Variants in DPYSL2 observed in about 807,000 individuals in gnomAD.
DPYSL2 encodes the protein dihydropyrimidinase-related protein 2.
In DPYSL2, 13 loss-of-function variants were observed where a neutral mutation model predicts 69.9. The ratio of observed to expected loss-of-function variants is 0.19; its 90% CI spans 0.12 to 0.30. The LOEUF is 0.30. Among genes scored for constraint, DPYSL2 ranks in the 10% least tolerant of loss-of-function variants. The pLI, the probability that DPYSL2 is intolerant of heterozygous loss-of-function variation, is 1.00. For synonymous variants in DPYSL2, 326 were observed against 359.1 expected (o/e 0.91, Z 1.04); for missense variants, 587 against 918.9 (o/e 0.64, Z 4.67).
Position 26,614,820 on chromosome 8 carries a change from C to T in DPYSL2, c.629-9323C>T, listed in dbSNP as rs1802310156. Among the ~76,000 whole-genome samples, 1 of 152,222 alleles carries T rather than the reference C, an allele frequency of 6.6e-6. No individual in the cohort carries two copies. Among genetic ancestry groups the T allele is most frequent in the Non-Finnish European group, 1.5e-5 (1 of 68,036 alleles). On this transcript the variant is annotated intron_variant, in intron 3 of 13. Transcript: ENST00000521913. The surrounding 1 kb of genome is among the most constrained non-coding windows in gnomAD (Gnocchi z 4.9). ...GCAGTGAAGAACATGTTTCCATATG[C>T]CTGCCACCCTTAGGCTAAGGACACG...
At chr8:26,519,731 G>T (rs1283175343) in intron 1 of DPYSL2, among the ~76,000 whole-genome samples, 1 of 151,978 alleles carries the variant, frequency 6.6e-6, no homozygotes, top group Non-Finnish European at 1.5e-5. Flanking sequence ...ACGTGGCTCA[G>T]TTACACTGCC....
Position 26,655,851 on chromosome 8 carries a change from T to C in DPYSL2, c.*145T>C. 3 of 802,036 alleles carry C rather than the reference T, an allele frequency of 3.7e-6. No homozygotes were observed. The highest frequency in any genetic ancestry group is 2.9e-5 in the South Asian group (1 of 34,206). The allele number at this position is 802,036 out of a possible 1,614,324, so 49.7% of individuals were successfully genotyped here. A position where few individuals can be genotyped will look rare whatever the true frequency, so the allele number is the denominator to read the frequency against. ...ACTGTGGAGCAGCCAGTTCATGGGG[T>C]CCCCCTTGGGGCCCCACACCCCGTC... On this transcript the variant is annotated 3_prime_UTR_variant, in exon 14 of 14. Coordinates refer to ENST00000521913, the MANE Select transcript of DPYSL2 (RefSeq NM_001197293.3).
intron 1 of DPYSL2, among the ~76,000 whole-genome samples, chr8:26,555,592 A>G (rs1800932593): frequency 6.6e-6 from 1 of 151,126 alleles, no homozygotes; most frequent in South Asian, 2.1e-4. Flanking sequence ...AAAATCAAAG[A>G]AGATCTAAAT....
Position 26,579,453 on chromosome 8 carries a change from T to A in DPYSL2, c.355-2516T>A, listed in dbSNP as rs180714895. On this transcript the variant is annotated intron_variant, in intron 1 of 13. Transcript: ENST00000521913. The stretch of plus-strand genomic sequence containing the variant: ...GTGCAATTGCAACCGGCCAGCTGAT[T>A]CCCGGGTAGAACCTAGGACTGAGGC... Among the ~76,000 whole-genome samples, 72 of 152,316 alleles carry A rather than the reference T, an allele frequency of 4.7e-4. 1 individual carries two copies. Among genetic ancestry groups the A allele is most frequent in the Admixed American group, 2.9e-3 (44 of 15,310 alleles).
At chr8:26,526,960 T>G (rs1429800368) in intron 1 of DPYSL2, among the ~76,000 whole-genome samples, 1 of 152,250 alleles carries the variant, frequency 6.6e-6, no homozygotes, top group African/African-American at 2.4e-5. Flanking sequence ...GTGCATCTTC[T>G]GCAGAGCAGG....
At chr8:26,578,244 C>T (rs1158408001) in intron 1 of DPYSL2, 1 of 1,613,980 alleles carries the variant, frequency 6.2e-7, no homozygotes. Flanking sequence ...TAATTTTTTC[C>T]CAGGAGAGAG....
rs118076256 is a variant in DPYSL2 at position 26,519,417 on chromosome 8, C to T, written c.354+4738C>T. On this transcript the variant is annotated intron_variant, in intron 1 of 13. Coordinates refer to ENST00000521913, the MANE Select transcript of DPYSL2 (RefSeq NM_001197293.3). ...GACTGGGAGAGAGGTCTCTTGTTTT[C>T]AGTCCCACTGCAGTCCTCTATCAGT... Among the ~76,000 whole-genome samples the T allele has an allele frequency of 6.2e-3, 949 of 152,294 alleles. 3 individuals carry two copies. The highest frequency in any genetic ancestry group is 9.7e-3 in the Non-Finnish European group (661 of 68,024).
At chr8:26,568,722 GTTATTTACACTTTCA>G (rs58435884) in intron 1 of DPYSL2, among the ~76,000 whole-genome samples, 33,258 of 151,674 alleles carry the variant, frequency 0.22, 4,534 homozygotes, top group African/African-American at 0.38. Context: ...CTCCTGAAAT[GTTATTTACACTTTCA>G]GAGTTCATAG....
chr8:26,639,003 C>T (rs911233167), intron 8 of DPYSL2, among the ~76,000 whole-genome samples: 2 of 152,180 alleles, frequency 1.3e-5, no homozygotes, highest in Middle Eastern at 3.2e-3. Flanking sequence ...CATTCTTTTC[C>T]GTCCTCCTCC....
rs1803253541 is a variant in DPYSL2, at chr8:26,650,202, G to C, written c.1597-2055G>C. 6.6e-6 allele frequency among the ~76,000 whole-genome samples: 1 copy of C among 152,226 alleles called. No homozygotes were observed. Among genetic ancestry groups the C allele is most frequent in the African/African-American group, 2.4e-5 (1 of 41,456 alleles). On this transcript the variant is annotated intron_variant, in intron 11 of 13. Transcript: ENST00000521913. This position sits in a 1 kb window ranked among gnomAD's most constrained non-coding sequence, Gnocchi z 5.3. Reference sequence around the variant, plus strand: ...AAGGGGGACCTACTTACCCCTCACAGATGAGGAGGTGGAGGCTCAGGGGTG... The same window carrying C: ...AAGGGGGACCTACTTACCCCTCACACATGAGGAGGTGGAGGCTCAGGGGTG...
chr8:26,550,663 T>C (rs181504902), intron 1 of DPYSL2, among the ~76,000 whole-genome samples: 1 of 152,182 alleles, frequency 6.6e-6, no homozygotes, highest in Non-Finnish European at 1.5e-5. Flanking sequence ...GACTGATAGA[T>C]GACAAGTGGC....
intron 1 of DPYSL2, among the ~76,000 whole-genome samples, chr8:26,524,981 T>A (rs1245239990): frequency 6.6e-6 from 1 of 152,136 alleles, no homozygotes; most frequent in Non-Finnish European, 1.5e-5. Context: ...CTGTGATTTG[T>A]AAAAATTACA....
At chr8:26,578,158 A>T in intron 1 of DPYSL2, 1 of 1,599,782 alleles carries the variant, frequency 6.3e-7, no homozygotes, top group Non-Finnish European at 8.5e-7. Flanking sequence ...CTTGCAAAGG[A>T]AAAAAACAAA....
chr8:26,616,827 C>T (rs531225270), intron 3 of DPYSL2, among the ~76,000 whole-genome samples: 32 of 152,028 alleles, frequency 2.1e-4, no homozygotes, highest in Non-Finnish European at 4.1e-4. Flanking sequence ...GGGTATAACC[C>T]CAAGGTGGGA....
In DPYSL2 at chr8:26,619,711, C is replaced by T. The variant is rs1445337961; in HGVS notation, c.629-4432C>T. The T allele has an allele frequency of 6.6e-6, 1 of 152,182 alleles. No homozygotes were observed. Among genetic ancestry groups the T allele is most frequent in the East Asian group, 1.9e-4 (1 of 5,202 alleles). 9.4% of individuals were successfully genotyped at this position (152,182 alleles called of 1,614,324 possible). A position where few individuals can be genotyped will look rare whatever the true frequency, so the allele number is the denominator to read the frequency against. ...GAAACTCTGGGGTAAGGTCTGGGAA[C>T]CTGTGTTTTATTTTTATGTTATTTT... is the stretch of plus-strand genomic sequence containing the variant. On this transcript the variant is annotated intron_variant, in intron 3 of 13. Transcript: ENST00000521913. The surrounding 1 kb of genome is among the most constrained non-coding windows in gnomAD (Gnocchi z 4.8).
At chr8:26,579,666 A>T (rs1447272649) in intron 1 of DPYSL2, among the ~76,000 whole-genome samples, 1 of 152,012 alleles carries the variant, frequency 6.6e-6, no homozygotes, top group Non-Finnish European at 1.5e-5. Flanking sequence ...TGCTCGGAGG[A>T]TTTTCTAGGA....
At position 26,610,342 on chromosome 8, in the gene DPYSL2, A is replaced by G. The variant is rs747901055; in HGVS notation, c.629-13801A>G. Reference sequence around the variant, plus strand: ...TCCATTTGATAGGAAGGTTGTTTACATCACAGTGTCCTGTATTTGGGGGCT... The same window carrying G: ...TCCATTTGATAGGAAGGTTGTTTACGTCACAGTGTCCTGTATTTGGGGGCT... On this transcript the variant is annotated intron_variant, in intron 3 of 13. Coordinates refer to ENST00000521913, the MANE Select transcript of DPYSL2 (RefSeq NM_001197293.3). The surrounding 1 kb of genome is among the most constrained non-coding windows in gnomAD (Gnocchi z 4.5). Among the ~76,000 whole-genome samples the G allele has an allele frequency of 4.6e-5, 7 of 152,228 alleles. No individual in the cohort carries two copies. The highest frequency in any genetic ancestry group is 8.8e-5 in the Non-Finnish European group (6 of 68,042).
chr8:26,573,800 GCACTC>G (rs1476305954), intron 1 of DPYSL2, among the ~76,000 whole-genome samples: 1 of 141,324 alleles, frequency 7.1e-6, no homozygotes, highest in African/African-American at 2.7e-5. Flanking sequence ...TCATGCAACT[GCACTC>G]CAGCCTGGGC....
At chr8:26,603,641 G>A (rs1019037419) in intron 3 of DPYSL2, among the ~76,000 whole-genome samples, 2 of 152,074 alleles carry the variant, frequency 1.3e-5, no homozygotes, top group African/African-American at 4.8e-5. Flanking sequence ...TCCCTAAACT[G>A]TTGCCATTAA....
Sources: gnomAD v4.1 joint callset for allele counts (sites outside exome capture counted in the v4.1 genomes callset) on GRCh38, gnomAD v4.1.1 for gene constraint, Gnocchi (gnomAD v3.1) non-coding constraint, MANE v1.5 for transcripts, NCBI Gene and HGNC (gene_info 2026-07-23, HGNC 2026-07-21) for gene names.